Variants in ABHD6 observed in about 807,000 individuals in gnomAD.
ABHD6 encodes the protein abhydrolase domain containing 6, acylglycerol lipase, also known as monoacylglycerol lipase ABHD6.
Under a neutral mutation model 38.8 loss-of-function variants are expected in ABHD6, and 33 were observed. That is an observed-to-expected ratio of 0.85 (90% CI 0.64 to 1.14). The LOEUF (loss-of-function observed/expected upper bound fraction) is 1.14. ABHD6 is among the 50% of genes most tolerant of loss of function. ABHD6 has a pLI of 0.00. For missense variants in ABHD6, 380 were observed against 422.6 expected (o/e 0.90, Z 0.88); for synonymous variants, 147 against 161.6 (o/e 0.91, Z 0.69).
intron 7 of ABHD6, among the ~76,000 whole-genome samples, chr3:58,276,194 G>C (rs1458938523): frequency 4.6e-5 from 7 of 152,180 alleles, no homozygotes; most frequent in African/African-American, 1.7e-4. Flanking sequence ...TCGCCACACT[G>C]TCTTCCACAA....
At chr3:58,247,949 C>T (rs1435760289) in intron 1 of ABHD6, among the ~76,000 whole-genome samples, 1 of 152,220 alleles carries the variant, frequency 6.6e-6, no homozygotes, top group Non-Finnish European at 1.5e-5. Flanking sequence ...AAAAGTCTCC[C>T]TCTCATCTCT....
rs1400813427 is a variant in ABHD6 at position 58,263,477 on chromosome 3, A to C, written c.120-3712A>C. 6.6e-6 allele frequency among the ~76,000 whole-genome samples: 1 copy of C among 152,230 alleles called. No individual in the cohort carries two copies. Among genetic ancestry groups the C allele is most frequent in the East Asian group, 1.9e-4 (1 of 5,206 alleles). On this transcript the variant is annotated intron_variant, in intron 3 of 9. Coordinates refer to ENST00000478253, the MANE Select transcript of ABHD6 (RefSeq NM_001320126.2). This position sits in a 1 kb window ranked among gnomAD's most constrained non-coding sequence, Gnocchi z 4.9. Reference sequence around the variant, plus strand: ...ACTTGTCCAGTGGATGTACCAATTAAATGAAAAATATCGAGTAGTACCAAA... The same window carrying C: ...ACTTGTCCAGTGGATGTACCAATTACATGAAAAATATCGAGTAGTACCAAA...
chr3:58,239,987 C>CAAA (rs542069109), intron 1 of ABHD6, among the ~76,000 whole-genome samples: 34 of 129,520 alleles, frequency 2.6e-4, no homozygotes, highest in African/African-American at 6.5e-4. Flanking sequence ...CCATCTCTAC[C>CAAA]AAAAAAAAAA....
intron 7 of ABHD6, among the ~76,000 whole-genome samples, chr3:58,280,235 A>G (rs2097452098): frequency 6.6e-6 from 1 of 152,182 alleles, no homozygotes. Flanking sequence ...TCAGTCAAAC[A>G]TAGATTTGGT....
intron 1 of ABHD6, among the ~76,000 whole-genome samples, chr3:58,243,615 C>T (rs760487572): frequency 2.6e-5 from 4 of 151,542 alleles, no homozygotes; most frequent in Non-Finnish European, 4.4e-5. Flanking sequence ...TTAAGTGTAT[C>T]TAGTATCTGA....
chr3:58,277,454 T>A (rs2097449594), intron 7 of ABHD6, among the ~76,000 whole-genome samples: 1 of 152,232 alleles, frequency 6.6e-6, no homozygotes, highest in Non-Finnish European at 1.5e-5. Flanking sequence ...TTTTTGCACA[T>A]TGATTTTGTA....
At position 58,293,479 on chromosome 3, in the gene ABHD6, C is replaced by T. The variant is rs999222399; in HGVS notation, c.838-110C>T. 1.0e-5 allele frequency: 12 copies of T among 1,190,426 alleles called. No individual in the cohort carries two copies. The African/African-American group carries it at 1.4e-4, about 14-fold the overall frequency. 73.7% of individuals were successfully genotyped at this position (1,190,426 alleles called of 1,614,324 possible). The stretch of plus-strand genomic sequence containing the variant: ...GGGACTTGGTCCTAAAATTCACATC[C>T]TCCTGCCCCACTGACCCCTGCCAGG... On this transcript the variant is annotated intron_variant, in intron 9 of 9. Transcript: ENST00000478253. The surrounding 1 kb of genome is among the most constrained non-coding windows in gnomAD (Gnocchi z 4.4).
rs541251660 is a variant in ABHD6, at chr3:58,263,545, G to A, written c.120-3644G>A. Among the ~76,000 whole-genome samples the A allele has an allele frequency of 7.2e-5, 11 of 152,318 alleles. No homozygotes were observed. In the South Asian group the frequency reaches 1.7e-3, roughly 23 times the overall value. Reference sequence around the variant, plus strand: ...GAAGAAGCCCTTAATTCCTGAATCCGGCAGTCTGGCCGCCTTCCAACCCTG... The same window carrying A: ...GAAGAAGCCCTTAATTCCTGAATCCAGCAGTCTGGCCGCCTTCCAACCCTG... On this transcript the variant is annotated intron_variant, in intron 3 of 9. Coordinates refer to ENST00000478253, the MANE Select transcript of ABHD6 (RefSeq NM_001320126.2). This position sits in a 1 kb window ranked among gnomAD's most constrained non-coding sequence, Gnocchi z 4.9.
chr3:58,288,658 G>T (rs1428430280), intron 9 of ABHD6, among the ~76,000 whole-genome samples: 1 of 152,124 alleles, frequency 6.6e-6, no homozygotes, highest in African/African-American at 2.4e-5. Context: ...CATTTATTGA[G>T]CACCTAGTAT....
At chr3:58,240,327 C>A (rs889297793) in intron 1 of ABHD6, among the ~76,000 whole-genome samples, 1 of 151,930 alleles carries the variant, frequency 6.6e-6, no homozygotes, top group Admixed American at 6.6e-5. Flanking sequence ...GATTCTCCCA[C>A]CTCAGCCTCC....
intron 1 of ABHD6, among the ~76,000 whole-genome samples, chr3:58,244,886 ATTTTAC>A (rs2097425258): frequency 6.6e-6 from 1 of 152,142 alleles, no homozygotes; most frequent in African/African-American, 2.4e-5. Context: ...ACAAAACTGT[ATTTTAC>A]TTTTAACTAT....
chr3:58,280,086 G>C lies in ABHD6; in HGVS notation c.682-4999G>C, dbSNP rs546441387. ...TGTGTCTTGGGGTTGCTATTCTCGAGTAGTATCTTTATGGTGTTCTGTGTA... is the reference window on the plus strand; with the variant it reads ...TGTGTCTTGGGGTTGCTATTCTCGACTAGTATCTTTATGGTGTTCTGTGTA... On this transcript the variant is annotated intron_variant, in intron 7 of 9. Coordinates refer to ENST00000478253, the MANE Select transcript of ABHD6 (RefSeq NM_001320126.2). 1.3e-4 allele frequency among the ~76,000 whole-genome samples: 20 copies of C among 152,238 alleles called. No individual in the cohort carries two copies. In the East Asian group the frequency reaches 2.9e-3, roughly 22 times the overall value.
intron 2 of ABHD6, among the ~76,000 whole-genome samples, chr3:58,252,096 ACTGGTGCCCCCAGC>A (rs2097430275): frequency 6.6e-6 from 1 of 152,148 alleles, no homozygotes; most frequent in Non-Finnish European, 1.5e-5. Context: ...CAGCTGCCAC[ACTGGTGCCCCCAGC>A]CTGGTGCCAT....
chr3:58,270,869 G>A (rs2097444333), intron 5 of ABHD6, 63 bp from the exon 6 acceptor site: 1 of 1,522,926 alleles, frequency 6.6e-7, no homozygotes. Flanking sequence ...CTTCTATGCT[G>A]TAGTCACCAT....
In ABHD6 at chr3:58,256,248, A is replaced by G. The variant is rs886594789; in HGVS notation, c.-25-314A>G. 6.6e-6 allele frequency among the ~76,000 whole-genome samples: 1 copy of G among 152,192 alleles called. No homozygotes were observed. Among genetic ancestry groups the G allele is most frequent in the African/African-American group, 2.4e-5 (1 of 41,438 alleles). On this transcript the variant is annotated intron_variant, in intron 2 of 9. Transcript: ENST00000478253. The surrounding 1 kb of genome is among the most constrained non-coding windows in gnomAD (Gnocchi z 4.3). ...ATACATACATAATCACAATTTCATC[A>G]TCATACTCAAGAATTGTGTCACTGA...
intron 7 of ABHD6, among the ~76,000 whole-genome samples, chr3:58,280,729 G>A (rs780594870): frequency 8.5e-5 from 13 of 152,176 alleles, no homozygotes; most frequent in Non-Finnish European, 1.5e-4. Flanking sequence ...CTTTGTGGTT[G>A]TATCTACCTT....
At chr3:58,283,062 C>T (rs1181825552) in intron 7 of ABHD6, among the ~76,000 whole-genome samples, 1 of 152,170 alleles carries the variant, frequency 6.6e-6, no homozygotes, top group African/African-American at 2.4e-5. Flanking sequence ...TGGACCCTGC[C>T]TGGAGGTGGG....
At chr3:58,279,272 A>C (rs1003137889) in intron 7 of ABHD6, among the ~76,000 whole-genome samples, 1 of 152,172 alleles carries the variant, frequency 6.6e-6, no homozygotes, top group African/African-American at 2.4e-5. Context: ...TTGCTTTATG[A>C]ATCTGGGTGC....
intron 1 of ABHD6, among the ~76,000 whole-genome samples, chr3:58,247,293 G>A (rs1230119683): frequency 5.3e-5 from 8 of 151,922 alleles, no homozygotes; most frequent in South Asian, 4.2e-4. Context: ...TGTGAGCCAC[G>A]GTGCCTGGCC....
Sources: allele counts gnomAD v4.1 joint callset (sites outside exome capture counted in the v4.1 genomes callset), GRCh38; gene constraint gnomAD v4.1.1; non-coding constraint Gnocchi (gnomAD v3.1); transcripts MANE v1.5; gene names NCBI Gene and HGNC (gene_info 2026-07-23, HGNC 2026-07-21).